FARS2: variants seen among roughly 807,000 people sequenced by gnomAD.
FARS2 encodes phenylalanyl-tRNA synthetase 2, mitochondrial.
FARS2 carries 40 observed loss-of-function variants against 46.4 expected under a neutral mutation model. That is an observed-to-expected ratio of 0.86 (90% CI 0.67 to 1.12). The LOEUF is 1.12. Among genes scored for constraint, FARS2 ranks in the 50% most tolerant of loss-of-function variants. The pLI is 0.00. For missense variants in FARS2, 513 were observed against 567.9 expected (o/e 0.90, Z 0.98); for synonymous variants, 234 against 214.9 (o/e 1.09, Z -0.78).
At chr6:5,435,106 T>A (rs1763446608) in intron 4 of FARS2, among the ~76,000 whole-genome samples, 1 of 152,212 alleles carries the variant, frequency 6.6e-6, no homozygotes, top group South Asian at 2.1e-4. Flanking sequence ...ACAGTGCTAG[T>A]GAAACTTGCC....
intron 1 of FARS2, among the ~76,000 whole-genome samples, chr6:5,279,382 A>C (rs1449524896): frequency 3.6e-5 from 5 of 138,730 alleles, no homozygotes; most frequent in African/African-American, 1.3e-4. Flanking sequence ...CTCAAAAAAA[A>C]AAAAAGAAAA....
intron 1 of FARS2, among the ~76,000 whole-genome samples, chr6:5,350,121 T>G (rs574509411): frequency 2.4e-4 from 37 of 152,112 alleles, no homozygotes; most frequent in Non-Finnish European, 4.6e-4. Context: ...TCGTTCGTTC[T>G]TTCTTTCTTG....
intron 1 of FARS2, among the ~76,000 whole-genome samples, chr6:5,319,185 A>G (rs1436665917): frequency 6.6e-6 from 1 of 152,092 alleles, no homozygotes; most frequent in Non-Finnish European, 1.5e-5. Context: ...CTAAAATAAT[A>G]ACTGGTCACT....
chr6:5,287,277 G>A (rs1767188288), intron 1 of FARS2, among the ~76,000 whole-genome samples: 1 of 152,204 alleles, frequency 6.6e-6, no homozygotes, highest in East Asian at 1.9e-4. Context: ...GACATTTGCT[G>A]TGGACCTTGT....
intron 5 of FARS2, among the ~76,000 whole-genome samples, chr6:5,559,102 T>G (rs923993768): frequency 2.8e-4 from 42 of 151,942 alleles, no homozygotes; most frequent in African/African-American, 1.0e-3. Flanking sequence ...ACTACAGATT[T>G]TTTTAAAGAG....
At chr6:5,307,922 A>G (rs889871828) in intron 1 of FARS2, among the ~76,000 whole-genome samples, 1 of 152,222 alleles carries the variant, frequency 6.6e-6, no homozygotes, top group Non-Finnish European at 1.5e-5. Context: ...TTAGGAGGTC[A>G]GGATCTCTCA....
chr6:5,759,116 A>G (rs547040280), intron 6 of FARS2, among the ~76,000 whole-genome samples: 1 of 152,294 alleles, frequency 6.6e-6, no homozygotes, highest in South Asian at 2.1e-4. Flanking sequence ...ATCTACCTAG[A>G]TCCCATAGCT....
chr6:5,747,845 A>AT (rs930810349), intron 6 of FARS2, among the ~76,000 whole-genome samples: 1 of 152,180 alleles, frequency 6.6e-6, no homozygotes, highest in Admixed American at 6.5e-5. Context: ...TTGTCAACCC[A>AT]TTTTTTATAC....
intron 4 of FARS2, among the ~76,000 whole-genome samples, chr6:5,436,756 A>G (rs1000902851): frequency 1.3e-5 from 2 of 152,206 alleles, no homozygotes; most frequent in African/African-American, 2.4e-5. Flanking sequence ...ATGTCTGTTC[A>G]TAGAGCATCA....
chr6:5,476,871 G>T (rs1421616687), intron 4 of FARS2, among the ~76,000 whole-genome samples: 2 of 152,142 alleles, frequency 1.3e-5, no homozygotes, highest in Admixed American at 1.3e-4. Flanking sequence ...GATGTAGGAG[G>T]AATAGCAGTT....
chr6:5,688,346 A>G (rs974342790), intron 6 of FARS2, among the ~76,000 whole-genome samples: 5 of 152,198 alleles, frequency 3.3e-5, no homozygotes, highest in African/African-American at 4.8e-5. Context: ...TTCGTCATAC[A>G]TAACTCTTAT....
chr6:5,666,526 A>G (rs1426530420), intron 6 of FARS2, among the ~76,000 whole-genome samples: 2 of 152,236 alleles, frequency 1.3e-5, no homozygotes, highest in African/African-American at 4.8e-5. Context: ...TAAATAGTAC[A>G]TGATAGTTTT....
At chr6:5,359,085 G>C (rs1758135220) in intron 1 of FARS2, among the ~76,000 whole-genome samples, 1 of 127,330 alleles carries the variant, frequency 7.9e-6, no homozygotes, top group Admixed American at 1.1e-4. Context: ...TGTCACCCAG[G>C]CTGGAGTGCA....
At chr6:5,448,760 A>G (rs888592931) in intron 4 of FARS2, among the ~76,000 whole-genome samples, 33 of 152,254 alleles carry the variant, frequency 2.2e-4, no homozygotes, top group African/African-American at 8.0e-4. Flanking sequence ...TAATTCTTAT[A>G]GACATCATGC....
intron 4 of FARS2, among the ~76,000 whole-genome samples, chr6:5,449,987 A>G (rs2150261975): frequency 6.6e-6 from 1 of 152,292 alleles, no homozygotes; most frequent in Admixed American, 6.5e-5. Flanking sequence ...TCCCTGAGGA[A>G]CCTGTGTGTA....
chr6:5,357,795 T>G (rs1375124332), intron 1 of FARS2, among the ~76,000 whole-genome samples: 3 of 152,232 alleles, frequency 2.0e-5, no homozygotes. Flanking sequence ...GCCACTTAAG[T>G]ACTTTTGGTC....
chr6:5,553,101 A>G (rs1189880672), intron 5 of FARS2, among the ~76,000 whole-genome samples: 1 of 152,200 alleles, frequency 6.6e-6, no homozygotes, highest in Non-Finnish European at 1.5e-5. Flanking sequence ...GGTGGCTTAC[A>G]AGGTCAGCCC....
chr6:5,567,076 C>G (rs1339739081), intron 5 of FARS2, among the ~76,000 whole-genome samples: 1 of 152,242 alleles, frequency 6.6e-6, no homozygotes, highest in Non-Finnish European at 1.5e-5. Flanking sequence ...CTAAAACAGT[C>G]TATAGGTTTA....
chr6:5,548,465 A>G (rs1460312774), intron 5 of FARS2, among the ~76,000 whole-genome samples: 1 of 152,190 alleles, frequency 6.6e-6, no homozygotes, highest in African/African-American at 2.4e-5. Flanking sequence ...TTTTAGCATC[A>G]ATTTCCTTGT....
Sources: allele counts gnomAD v4.1 joint callset (sites outside exome capture counted in the v4.1 genomes callset), GRCh38; gene constraint gnomAD v4.1.1; transcripts MANE v1.5; gene names NCBI Gene and HGNC (gene_info 2026-07-23, HGNC 2026-07-21).